Variants in ESRRG observed in about 807,000 individuals in gnomAD.
ESRRG encodes the protein estrogen-related receptor gamma.
Under a neutral mutation model 44.0 loss-of-function variants are expected in ESRRG, and 13 were observed. The observed-to-expected ratio is 0.30, with a 90% CI of 0.19 to 0.47. The LOEUF (loss-of-function observed/expected upper bound fraction) is 0.47, where lower values mean the gene tolerates loss of function less well. Among genes scored for constraint, ESRRG ranks in the 20% least tolerant of loss-of-function variants. ESRRG has a pLI of 1.00. For missense variants in ESRRG, 395 were observed against 580.6 expected (o/e 0.68, Z 3.29); for synonymous variants, 215 against 214.6 (o/e 1.00, Z -0.02).
intron 3 of ESRRG, among the ~76,000 whole-genome samples, chr1:216,598,404 A>G (rs1163644752): frequency 6.6e-6 from 1 of 152,212 alleles, no homozygotes; most frequent in Non-Finnish European, 1.5e-5. Context: ...CATTAATGGG[A>G]ACTTCTCTAT....
At chr1:216,851,778 G>A (rs6656008) in intron 2 of ESRRG, among the ~76,000 whole-genome samples, 21 of 152,124 alleles carry the variant, frequency 1.4e-4, no homozygotes, top group African/African-American at 4.3e-4. Context: ...TCATTGACCC[G>A]GCTAAGGATC....
chr1:216,736,077 G>T (rs1344921751), intron 2 of ESRRG, among the ~76,000 whole-genome samples: 1 of 151,064 alleles, frequency 6.6e-6, no homozygotes, highest in Non-Finnish European at 1.5e-5. Context: ...GAGAACAGGG[G>T]GGGAGTTTCC....
At chr1:217,112,080 C>G (rs79025273) in intron 1 of ESRRG, among the ~76,000 whole-genome samples, 4,531 of 152,170 alleles carry the variant, frequency 0.03, 103 homozygotes, top group Non-Finnish European at 0.046. Context: ...CACATACAAC[C>G]CATTCAAGTC....
intron 1 of ESRRG, among the ~76,000 whole-genome samples, chr1:217,075,643 C>T (rs995659367): frequency 1.4e-5 from 2 of 144,494 alleles, no homozygotes; most frequent in African/African-American, 2.5e-5. Context: ...TTTTGATAAA[C>T]ATAGCTGGTA....
chr1:216,786,804 A>G (rs1034168615), intron 2 of ESRRG, among the ~76,000 whole-genome samples: 9 of 152,138 alleles, frequency 5.9e-5, no homozygotes, highest in African/African-American at 2.2e-4. Flanking sequence ...AAATACAATT[A>G]TACAATAGAC....
chr1:216,703,673 G>A (rs1484518408), intron 1 of ESRRG, among the ~76,000 whole-genome samples: 1 of 147,530 alleles, frequency 6.8e-6, no homozygotes, highest in Non-Finnish European at 1.5e-5. Context: ...GTGTGTGTGT[G>A]TGTGTGTGTG....
intron 2 of ESRRG, among the ~76,000 whole-genome samples, chr1:216,780,119 A>G (rs1479511281): frequency 6.6e-6 from 1 of 151,720 alleles, no homozygotes; most frequent in Non-Finnish European, 1.5e-5. Flanking sequence ...GGCTCATGCA[A>G]AGAAATTGTG....
chr1:216,940,931 T>A (rs992552036), intron 1 of ESRRG, among the ~76,000 whole-genome samples: 1 of 152,156 alleles, frequency 6.6e-6, no homozygotes, highest in African/African-American at 2.4e-5. Flanking sequence ...CATTTTAAAA[T>A]AATTTCTTGC....
intron 2 of ESRRG, among the ~76,000 whole-genome samples, chr1:216,890,708 G>A (rs1436901): frequency 0.096 from 14,600 of 152,208 alleles, 2,355 homozygotes; most frequent in African/African-American, 0.33. Flanking sequence ...TGGACACATG[G>A]ATGCATCAAC....
chr1:217,111,804 G>C (rs751726225), intron 1 of ESRRG, among the ~76,000 whole-genome samples: 4 of 152,126 alleles, frequency 2.6e-5, no homozygotes, highest in Non-Finnish European at 4.4e-5. Context: ...GCCACAAACT[G>C]TGTGCTCTTC....
chr1:216,940,528 CAGTT>C (rs1167959630), intron 1 of ESRRG, among the ~76,000 whole-genome samples: 4 of 152,158 alleles, frequency 2.6e-5, no homozygotes, highest in Non-Finnish European at 5.9e-5. Context: ...ATGCCCCTGA[CAGTT>C]TGTTTGGTGC....
intron 2 of ESRRG, among the ~76,000 whole-genome samples, chr1:216,837,412 A>AAAAAAAG (rs1451986867): frequency 2.0e-5 from 3 of 150,666 alleles, no homozygotes; most frequent in Non-Finnish European, 4.4e-5. Context: ...CTCCGTATCA[A>AAAAAAAG]AAAAAAAATA....
chr1:216,632,597 T>C (rs561322683), intron 3 of ESRRG, among the ~76,000 whole-genome samples: 36 of 152,322 alleles, frequency 2.4e-4, no homozygotes, highest in Non-Finnish European at 4.7e-4. Context: ...ATAGAGATTA[T>C]CCTGGGTATA....
At chr1:217,023,093 CA>C (rs1438815593) in intron 1 of ESRRG, among the ~76,000 whole-genome samples, 1 of 152,120 alleles carries the variant, frequency 6.6e-6, no homozygotes, top group African/African-American at 2.4e-5. Context: ...GATCCATTCA[CA>C]ATGGAGAAAA....
At chr1:216,768,480 A>ATCGATCTATCTG (rs1553593132) in intron 2 of ESRRG, among the ~76,000 whole-genome samples, 2 of 150,170 alleles carry the variant, frequency 1.3e-5, no homozygotes, top group Admixed American at 6.6e-5. Flanking sequence ...CTATCTATCT[A>ATCGATCTATCTG]TCTATCTATC....
intron 2 of ESRRG, among the ~76,000 whole-genome samples, chr1:216,888,384 T>C (rs1408656931): frequency 6.6e-6 from 1 of 152,202 alleles, no homozygotes; most frequent in Non-Finnish European, 1.5e-5. Context: ...AAAAAGGAAT[T>C]TCAATCTAGG....
At chr1:216,566,540 T>C (rs1297579763) in intron 4 of ESRRG, among the ~76,000 whole-genome samples, 1 of 152,228 alleles carries the variant, frequency 6.6e-6, no homozygotes, top group African/African-American at 2.4e-5. Flanking sequence ...TGCTCATTTT[T>C]CTTTCAGTAG....
chr1:216,604,439 G>A (rs756682032), intron 3 of ESRRG, among the ~76,000 whole-genome samples: 1 of 152,064 alleles, frequency 6.6e-6, no homozygotes, highest in Admixed American at 6.5e-5. Context: ...CAGGGCAATG[G>A]GTCTTTAATA....
chr1:217,069,161 G>C (rs1038471056), intron 1 of ESRRG, among the ~76,000 whole-genome samples: 1 of 152,154 alleles, frequency 6.6e-6, no homozygotes, highest in African/African-American at 2.4e-5. Context: ...AGCGTAGCTA[G>C]AATATAAAGA....
Sources: allele counts gnomAD v4.1 joint callset (sites outside exome capture counted in the v4.1 genomes callset), GRCh38; gene constraint gnomAD v4.1.1; transcripts MANE v1.5; gene names NCBI Gene and HGNC (gene_info 2026-07-23, HGNC 2026-07-21).